Variants in VWC2L observed in about 807,000 individuals in gnomAD.
VWC2L encodes the protein von Willebrand factor C domain-containing protein 2-like.
A neutral mutation model predicts 21.6 loss-of-function variants in VWC2L; 10 were observed. The ratio of observed to expected loss-of-function variants is 0.46; its 90% CI spans 0.29 to 0.78. VWC2L has a LOEUF of 0.78. Ranked by LOEUF, VWC2L falls within the 30% of genes least tolerant of loss-of-function variation. The pLI is 0.10. For synonymous variants in VWC2L, 96 were observed against 94.3 expected, an observed-to-expected ratio of 1.02 and a Z score of -0.10; for missense variants, 209 against 277.1, an observed-to-expected ratio of 0.75 and a Z score of 1.74.
At chr2:214,435,200 T>C (rs1483425367) in intron 2 of VWC2L, among the ~76,000 whole-genome samples, 2 of 152,178 alleles carry the variant, frequency 1.3e-5, no homozygotes, top group Non-Finnish European at 2.9e-5. Flanking sequence ...AATCTTTTTC[T>C]TAATTTGCTG....
intron 3 of VWC2L, among the ~76,000 whole-genome samples, chr2:214,477,915 G>A (rs1402443700): frequency 1.3e-5 from 2 of 152,170 alleles, no homozygotes; most frequent in Non-Finnish European, 2.9e-5. Context: ...ACAGCTAACA[G>A]AGATTATGAA....
chr2:214,577,228 C>T lies in VWC2L; in HGVS notation c.*1408C>T, dbSNP rs1690244269. On this transcript the variant is annotated 3_prime_UTR_variant, in exon 4 of 4. Coordinates refer to ENST00000312504, the MANE Select transcript of VWC2L (RefSeq NM_001080500.4). ...TACAGTTGTCTTTATTATCAATGTTCTTTCTTTTTCTGCTCCCCCAACCTG... is the reference window on the plus strand; with the variant it reads ...TACAGTTGTCTTTATTATCAATGTTTTTTCTTTTTCTGCTCCCCCAACCTG... 6.6e-6 allele frequency: 1 copy of T among 152,152 alleles called. No homozygotes were observed. The highest frequency in any genetic ancestry group is 2.4e-5 in the African/African-American group (1 of 41,452). 9.4% of individuals were successfully genotyped at this position (152,152 alleles called of 1,614,324 possible). A position where few individuals can be genotyped will look rare whatever the true frequency, so the allele number is the denominator to read the frequency against.
intron 3 of VWC2L, among the ~76,000 whole-genome samples, chr2:214,558,041 G>A (rs1030731997): frequency 6.6e-6 from 1 of 152,152 alleles, no homozygotes; most frequent in Admixed American, 6.6e-5. Flanking sequence ...CGCAGACATT[G>A]TACTTGTCAA....
chr2:214,473,732 A>G (rs774468604), intron 3 of VWC2L: 45 of 150,248 alleles, frequency 3.0e-4, no homozygotes, highest in Middle Eastern at 3.2e-3. Flanking sequence ...ATGGCTTCTT[A>G]TGTTATATCT....
intron 3 of VWC2L, among the ~76,000 whole-genome samples, chr2:214,517,638 T>C (rs575094494): frequency 1.3e-5 from 2 of 152,168 alleles, no homozygotes; most frequent in Admixed American, 6.5e-5. Context: ...AAAGATTCCA[T>C]GGGGTAAAAA....
chr2:214,417,166 A>C (rs1359955474), intron 2 of VWC2L, among the ~76,000 whole-genome samples: 5 of 152,146 alleles, frequency 3.3e-5, no homozygotes, highest in Non-Finnish European at 7.4e-5. Context: ...AATAATGTTG[A>C]TATGTCAATT....
At chr2:214,508,559 A>T (rs1356752817) in intron 3 of VWC2L, among the ~76,000 whole-genome samples, 1 of 152,216 alleles carries the variant, frequency 6.6e-6, no homozygotes, top group Non-Finnish European at 1.5e-5. Flanking sequence ...GTTAACTACG[A>T]TTACATTTTC....
intron 3 of VWC2L, among the ~76,000 whole-genome samples, chr2:214,528,547 T>C (rs1689379499): frequency 6.6e-6 from 1 of 152,216 alleles, no homozygotes. Flanking sequence ...TAATATGCCA[T>C]TGTTTCACAT....
intron 3 of VWC2L, among the ~76,000 whole-genome samples, chr2:214,441,882 TA>T (rs1377555049): frequency 1.8e-4 from 27 of 151,456 alleles, no homozygotes; most frequent in African/African-American, 5.8e-4. Flanking sequence ...ATGTATCTTA[TA>T]ATAAAATAAG....
At chr2:214,438,321 G>A (rs1702708537) in intron 3 of VWC2L, among the ~76,000 whole-genome samples, 2 of 151,742 alleles carry the variant, frequency 1.3e-5, no homozygotes, top group Admixed American at 6.6e-5. Flanking sequence ...AAGGATAAAA[G>A]GAAGAAAAAC....
chr2:214,461,855 T>G (rs116561091), intron 3 of VWC2L, among the ~76,000 whole-genome samples: 1,629 of 152,262 alleles, frequency 0.011, 29 homozygotes, highest in African/African-American at 0.036. Context: ...GTGGCTCAGC[T>G]TCTGGTGTGC....
chr2:214,509,920 A>G (rs1689027969), intron 3 of VWC2L, among the ~76,000 whole-genome samples: 1 of 152,250 alleles, frequency 6.6e-6, no homozygotes, highest in Non-Finnish European at 1.5e-5. Flanking sequence ...TTTGATCAGA[A>G]TGCCATATTA....
At chr2:214,438,824 GTTAA>G (rs1263510464) in intron 3 of VWC2L, among the ~76,000 whole-genome samples, 8 of 151,946 alleles carry the variant, frequency 5.3e-5, no homozygotes, top group Non-Finnish European at 7.4e-5. Context: ...TGTTCAATCA[GTTAA>G]TTAATTAGTA....
intron 3 of VWC2L, among the ~76,000 whole-genome samples, chr2:214,548,288 C>T (rs1689740838): frequency 6.6e-6 from 1 of 152,116 alleles, no homozygotes; most frequent in African/African-American, 2.4e-5. Context: ...ATGCAATTTA[C>T]AGGCTTAAAA....
At chr2:214,479,666 A>T (rs1688574101) in intron 3 of VWC2L, among the ~76,000 whole-genome samples, 1 of 152,144 alleles carries the variant, frequency 6.6e-6, no homozygotes, top group Non-Finnish European at 1.5e-5. Flanking sequence ...TTAGCTGGGT[A>T]TGGTGGCGGG....
chr2:214,511,719 A>C (rs78360852), intron 3 of VWC2L, among the ~76,000 whole-genome samples: 35 of 152,062 alleles, frequency 2.3e-4, no homozygotes, highest in African/African-American at 8.4e-4. Flanking sequence ...CACATCTGAA[A>C]AATATATATT....
chr2:214,470,375 A>G (rs893191059), intron 3 of VWC2L, among the ~76,000 whole-genome samples: 2 of 152,130 alleles, frequency 1.3e-5, no homozygotes, highest in African/African-American at 4.8e-5. Context: ...GTGATATCCC[A>G]TAGGTACTTA....
chr2:214,559,655 G>C (rs892510125), intron 3 of VWC2L, among the ~76,000 whole-genome samples: 1 of 151,436 alleles, frequency 6.6e-6, no homozygotes, highest in Non-Finnish European at 1.5e-5. Context: ...TGTTGCCCAG[G>C]CTGCAGTGCA....
At chr2:214,518,705 T>G (rs1689183894) in intron 3 of VWC2L, among the ~76,000 whole-genome samples, 1 of 152,180 alleles carries the variant, frequency 6.6e-6, no homozygotes, top group South Asian at 2.1e-4. Flanking sequence ...GGGATTACTT[T>G]TCTCAGTAGT....
Sources: allele counts gnomAD v4.1 joint callset (sites outside exome capture counted in the v4.1 genomes callset), GRCh38; gene constraint gnomAD v4.1.1; transcripts MANE v1.5; gene names NCBI Gene and HGNC (gene_info 2026-07-23, HGNC 2026-07-21).